FAM13A: variants seen among roughly 807,000 people sequenced by gnomAD.
The protein encoded by FAM13A is protein FAM13A.
FAM13A carries 76 observed loss-of-function variants against 129.6 expected under a neutral mutation model. The ratio of observed to expected loss-of-function variants is 0.59; its 90% CI spans 0.49 to 0.71. FAM13A has a LOEUF of 0.71. Among genes scored for constraint, FAM13A ranks in the 30% least tolerant of loss-of-function variants. FAM13A has a pLI of 0.00. For synonymous variants in FAM13A, 443 were observed against 449.9 expected (o/e 0.98, Z 0.20); for missense variants, 1,108 against 1,249.3 (o/e 0.89, Z 1.70).
chr4:88,974,028 T>C (rs907926576), intron 4 of FAM13A, among the ~76,000 whole-genome samples: 5 of 152,272 alleles, frequency 3.3e-5, no homozygotes, highest in East Asian at 1.9e-4. Flanking sequence ...AAGAGCAAAA[T>C]GCTCTAGTAT....
intron 1 of FAM13A, among the ~76,000 whole-genome samples, chr4:89,052,868 T>C (rs1229135953): frequency 1.3e-5 from 2 of 152,160 alleles, no homozygotes; most frequent in Non-Finnish European, 2.9e-5. Context: ...AAGAACCATA[T>C]GCCAGTCAGG....
At chr4:88,781,445 A>T (rs1322875165) in intron 10 of FAM13A, 94 bp from the exon 11 acceptor site, 6 of 854,044 alleles carry the variant, frequency 7.0e-6, no homozygotes, top group Non-Finnish European at 1.0e-5. Flanking sequence ...AGGAAATCCA[A>T]AGAGTGCCCA....
chr4:89,042,331 A>G (rs529896754), intron 1 of FAM13A, among the ~76,000 whole-genome samples: 1 of 152,318 alleles, frequency 6.6e-6, no homozygotes, highest in African/African-American at 2.4e-5. Context: ...TGGAATAGCT[A>G]GCTATGGACT....
intron 7 of FAM13A, among the ~76,000 whole-genome samples, chr4:88,824,099 G>A (rs1194539469): frequency 1.3e-5 from 2 of 151,950 alleles, no homozygotes; most frequent in Non-Finnish European, 2.9e-5. Context: ...CTTCTTTGGT[G>A]TAGAATACCA....
At position 88,732,036 on chromosome 4, in the gene FAM13A, C is replaced by T; in HGVS notation, c.2809G>A (p.Asp937Asn). 2.5e-6 allele frequency: 4 copies of T among 1,613,746 alleles called. No homozygotes were observed. The highest frequency in any genetic ancestry group is 3.4e-6 in the Non-Finnish European group (4 of 1,179,832). Residue 937 changes from aspartate (D) to asparagine (N), a missense_variant, in exon 22 of 24, where the codon GAC becomes AAC. Asp to Asn is a conservative substitution (Grantham distance 23). Transcript: ENST00000264344. ...DDKIPSKCSQ[D>N]TGLSNLHAAS... ...GCATGGAGATTTGAAAGCCCTGTGT[C>T]CTGGCTGCATTTTGATGGTATTTTA...
chr4:88,784,161 G>A (rs572752897), intron 10 of FAM13A, among the ~76,000 whole-genome samples: 1 of 152,250 alleles, frequency 6.6e-6, no homozygotes, highest in South Asian at 2.1e-4. Flanking sequence ...TGTCTCCTCC[G>A]AGGGAAGTCT....
chr4:88,735,189 A>G (rs914455618), intron 21 of FAM13A, among the ~76,000 whole-genome samples: 1 of 152,172 alleles, frequency 6.6e-6, no homozygotes, highest in African/African-American at 2.4e-5. Context: ...TGTCTATCTC[A>G]TGTTGCTCCA....
At chr4:88,972,714 C>T (rs901016875) in intron 4 of FAM13A, among the ~76,000 whole-genome samples, 1 of 152,024 alleles carries the variant, frequency 6.6e-6, no homozygotes, top group Non-Finnish European at 1.5e-5. Flanking sequence ...TCAAGAGATT[C>T]TTGTGCCTTA....
chr4:89,009,127 A>G (rs1342503202), intron 3 of FAM13A: 1 of 152,246 alleles, frequency 6.6e-6, no homozygotes, highest in African/African-American at 2.4e-5. Context: ...GATATTTAAT[A>G]AAGTCTCCAC....
Position 88,791,589 on chromosome 4 carries a change from C to T in FAM13A, c.1050-962G>A, listed in dbSNP as rs1036638658. ...GAGCAGATTTGAGACAATCTTTAGTCGTGTCAAACTATAGTTCTACCTAAT... is the reference window on the plus strand; with the variant it reads ...GAGCAGATTTGAGACAATCTTTAGTTGTGTCAAACTATAGTTCTACCTAAT... On this transcript the variant is annotated intron_variant, in intron 8 of 23. Coordinates refer to ENST00000264344, the MANE Select transcript of FAM13A (RefSeq NM_014883.4). 2.0e-5 allele frequency among the ~76,000 whole-genome samples: 3 copies of T among 152,048 alleles called. No individual in the cohort carries two copies. In the East Asian group the frequency reaches 5.8e-4, roughly 29 times the overall value.
chr4:89,019,001 G>A (rs983442216), intron 3 of FAM13A, among the ~76,000 whole-genome samples: 1 of 152,164 alleles, frequency 6.6e-6, no homozygotes, highest in South Asian at 2.1e-4. Context: ...AGGTCACCAC[G>A]GGAGGCCAGG....
intron 21 of FAM13A, among the ~76,000 whole-genome samples, chr4:88,735,577 G>C (rs1738815381): frequency 6.6e-6 from 1 of 152,158 alleles, no homozygotes; most frequent in Admixed American, 6.5e-5. Flanking sequence ...GCTGGCTGTA[G>C]TTCATATACA....
intron 6 of FAM13A, among the ~76,000 whole-genome samples, chr4:88,899,368 C>A (rs138882642): frequency 1.2e-4 from 18 of 152,016 alleles, no homozygotes; most frequent in African/African-American, 4.1e-4. Context: ...TAAAAAGCTA[C>A]AAATTGGGTG....
intron 7 of FAM13A, among the ~76,000 whole-genome samples, chr4:88,839,215 T>C (rs1735382601): frequency 6.6e-6 from 1 of 152,234 alleles, no homozygotes; most frequent in Admixed American, 6.5e-5. Flanking sequence ...CCAATACTTT[T>C]GCTATTTTAT....
intron 3 of FAM13A, among the ~76,000 whole-genome samples, chr4:89,013,428 G>A (rs200250477): frequency 3.3e-5 from 5 of 151,818 alleles, no homozygotes; most frequent in Admixed American, 3.3e-4. Flanking sequence ...AGGCTATATT[G>A]TCTGATGCCT....
At chr4:88,737,430 C>T (rs1739220782) in intron 21 of FAM13A, 42 bp downstream of exon 21, 2 of 1,543,584 alleles carry the variant, frequency 1.3e-6, no homozygotes, top group Non-Finnish European at 1.8e-6. Context: ...AGGGAGGGAA[C>T]TGGTGCGGAT....
chr4:88,998,078 G>T (rs557438761), intron 3 of FAM13A, among the ~76,000 whole-genome samples: 24 of 152,224 alleles, frequency 1.6e-4, no homozygotes, highest in African/African-American at 5.8e-4. Context: ...GAATGAGTCT[G>T]GGAGTAGATT....
chr4:88,990,730 C>A, intron 4 of FAM13A: 1 of 365,348 alleles, frequency 2.7e-6, no homozygotes, highest in Admixed American at 4.4e-5. Flanking sequence ...AACTTATTTC[C>A]AGATTTTTAA....
chr4:88,750,022 C>A (rs990298224), intron 15 of FAM13A, 113 bp from the exon 16 acceptor site: 20 of 1,057,554 alleles, frequency 1.9e-5, no homozygotes, highest in Non-Finnish European at 2.5e-5. Context: ...GGGGGCAGTG[C>A]GGAGACAAAA....
Sources: allele counts gnomAD v4.1 joint callset (sites outside exome capture counted in the v4.1 genomes callset), GRCh38; gene constraint gnomAD v4.1.1; transcripts MANE v1.5; gene names NCBI Gene and HGNC (gene_info 2026-07-23, HGNC 2026-07-21).